The following PYURF variants were observed in gnomAD, a reference collection of about 807,000 sequenced individuals.
PYURF encodes the protein protein preY, mitochondrial.
Under a neutral mutation model 8.0 loss-of-function variants are expected in PYURF, and 9 were observed. The observed-to-expected ratio is 1.13, with a 90% CI of 0.68 to 1.97. The LOEUF (loss-of-function observed/expected upper bound fraction) is 1.97, where lower values mean the gene tolerates loss of function less well. Among genes scored for constraint, PYURF ranks in the 30% most tolerant of loss-of-function variants. PYURF has a pLI of 0.00. For synonymous variants in PYURF, 56 were observed against 68.3 expected, an observed-to-expected ratio of 0.82 and a Z score of 0.89; for missense variants, 130 against 158.0, an observed-to-expected ratio of 0.82 and a Z score of 0.95.
chr4:88,521,640 G>A lies in PYURF; in HGVS notation c.*248C>T, dbSNP rs775261190. 9.9e-6 allele frequency: 16 copies of A among 1,613,994 alleles called. No homozygotes were observed. The South Asian group carries it at 1.4e-4, about 14-fold the overall frequency. ...GGTGGAAGAATACATACACTGGTAT[G>A]GTAATAGGCAAGAGCAGGCTGTAAA... On this transcript the variant is annotated 3_prime_UTR_variant, in exon 2 of 2. Coordinates refer to ENST00000273968, the MANE Select transcript of PYURF (RefSeq NM_032906.5).
At position 88,523,503 on chromosome 4, in the gene PYURF, C is replaced by A; in HGVS notation, c.198G>T (p.Pro66=). 2.6e-6 allele frequency: 4 copies of A among 1,551,264 alleles called. No individual in the cohort carries two copies. The highest frequency in any genetic ancestry group is 2.4e-5 in the East Asian group (1 of 40,890). Residue 66 remains proline (P), a synonymous_variant, in exon 1 of 2, where the codon CCG becomes CCT. Coordinates refer to ENST00000273968, the MANE Select transcript of PYURF (RefSeq NM_032906.5). The stretch of plus-strand genomic sequence containing the variant: ...GGCCAAGGCCAGCGAGTTACCTGAG[C>A]GGCTTCTTGGAGAGCGGGCACACCA... ...EFLVCPLSKK[P]LRYEASTNEL...
rs1742382209 is a variant in PYURF, at chr4:88,521,904, T to A, written c.329A>T (p.Glu110Val). ...AATTATGAACTAGCGCTGCTCCACT[T>A]CTTCTTGCTTCTTACTTTGACGTGT... ...RMTRQSKKQE[E>V]VEQR The change falls in exon 2 of 2, where the codon GAA (glutamate) becomes GTA (valine). Residue 110 changes from glutamate to valine, a missense_variant. By Grantham distance (121) the Glu-to-Val change is moderately radical. Coordinates refer to ENST00000273968, the MANE Select transcript of PYURF (RefSeq NM_032906.5). 2 of 1,550,564 alleles carry A rather than the reference T, an allele frequency of 1.3e-6. No individual in the cohort carries two copies. Among genetic ancestry groups the A allele is most frequent in the Non-Finnish European group, 1.7e-6 (2 of 1,146,724 alleles).
chr4:88,522,536 T>C (rs536431715), intron 1 of PYURF, among the ~76,000 whole-genome samples: 2 of 152,324 alleles, frequency 1.3e-5, no homozygotes, highest in South Asian at 4.1e-4. Context: ...AGTGAGCTAG[T>C]TATAAACGTA....
chr4:88,522,394 A>G (rs1215991052), intron 1 of PYURF, among the ~76,000 whole-genome samples: 4 of 152,226 alleles, frequency 2.6e-5, no homozygotes, highest in Non-Finnish European at 4.4e-5. Context: ...TGGAATAAAC[A>G]CTAGAGAAAA....
intron 1 of PYURF, among the ~76,000 whole-genome samples, chr4:88,522,432 C>T (rs1181224199): frequency 6.6e-6 from 1 of 152,140 alleles, no homozygotes; most frequent in South Asian, 2.1e-4. Context: ...AGAATAAATG[C>T]TAAGTAGAGA....
Position 88,523,658 on chromosome 4 carries a change from C to T in PYURF, c.43G>A (p.Gly15Arg), listed in dbSNP as rs61751029. 1,653 of 1,535,458 alleles carry T rather than the reference C, an allele frequency of 1.1e-3. 11 individuals are homozygous for T. The African/African-American group carries it at 0.02, about 19-fold the overall frequency. Reference protein sequence around the residue: ...ARCRLASALRGTRAPPSAVAR... With the variant: ...ARCRLASALRRTRAPPSAVAR... ...ACCGCGGACGGCGGCGCGCGCGTTC[C>T]CCGCAGCGCTGAGGCGAGCCTGCAG... Residue 15 changes from glycine (G) to arginine (R), a missense_variant, in exon 1 of 2, where the codon GGA becomes AGA. Coordinates refer to ENST00000273968, the MANE Select transcript of PYURF (RefSeq NM_032906.5).
In PYURF at chr4:88,523,650, G is replaced by A. The variant is rs1258620020; in HGVS notation, c.51C>T (p.Arg17=). 15 of 1,538,332 alleles carry A rather than the reference G, an allele frequency of 9.8e-6. No individual in the cohort carries two copies. The Middle Eastern group carries it at 6.0e-4, about 62-fold the overall frequency. The part of the protein sequence containing the change: ...CRLASALRGT[R]APPSAVARRC... ...TACGGGCGACCGCGGACGGCGGCGCGCGCGTTCCCCGCAGCGCTGAGGCGA... is the reference window on the plus strand; with the variant it reads ...TACGGGCGACCGCGGACGGCGGCGCACGCGTTCCCCGCAGCGCTGAGGCGA... Residue 17 remains arginine, a synonymous_variant, in exon 1 of 2, where the codon CGC becomes CGT. Coordinates refer to ENST00000273968, the MANE Select transcript of PYURF (RefSeq NM_032906.5).
Position 88,521,982 on chromosome 4 carries a change from G to C in PYURF, c.251C>G (p.Ala84Gly), listed in dbSNP as rs1179904665. Residue 84 changes from alanine to glycine, a missense_variant, in exon 2 of 2, where the codon GCT becomes GGT. Transcript: ENST00000273968. ...NELINEELGIAYPIIDGIPNM... is the reference protein window; with the variant it reads ...NELINEELGIGYPIIDGIPNM... Reference sequence around the variant, plus strand: ...AGGGATCCCATCAATGATTGGATAAGCTATTCCCAACTCTTCATTAATCAA... The same window carrying C: ...AGGGATCCCATCAATGATTGGATAACCTATTCCCAACTCTTCATTAATCAA... 12 of 1,550,832 alleles carry C rather than the reference G, an allele frequency of 7.7e-6. No individual in the cohort carries two copies. The highest frequency in any genetic ancestry group is 4.9e-5 in the East Asian group (2 of 40,914).
In PYURF at chr4:88,523,541, G is replaced by A; in HGVS notation, c.160C>T (p.Leu54=). The A allele has an allele frequency of 6.4e-7, 1 of 1,551,178 alleles. No individual in the cohort carries two copies. Among genetic ancestry groups the A allele is most frequent in the East Asian group, 2.4e-5 (1 of 40,892 alleles). The change falls in exon 1 of 2, where the codon CTG becomes TTG. Residue 54 remains leucine (L), a synonymous_variant. Coordinates refer to ENST00000273968, the MANE Select transcript of PYURF (RefSeq NM_032906.5). ...EEPPRDFDPA[L]LEFLVCPLSK... ...AGCGGGCACACCAGGAACTCCAGCA[G>A]CGCCGGATCGAAGTCGCGGGGCGGC...
Position 88,521,752 on chromosome 4 carries a change from G to A in PYURF, c.*136C>T, listed in dbSNP as rs1161005660. 6.2e-7 allele frequency: 1 copy of A among 1,613,562 alleles called. No individual in the cohort carries two copies. Reference sequence around the variant, plus strand: ...GAACAGTCCTGCTAAAGAAACCAGTGGAATAAGAACAGTCAACGTAGGAAG... The same window carrying A: ...GAACAGTCCTGCTAAAGAAACCAGTAGAATAAGAACAGTCAACGTAGGAAG... On this transcript the variant is annotated 3_prime_UTR_variant, in exon 2 of 2. Transcript: ENST00000273968.
At chr4:88,523,225 T>G (rs1180994241) in intron 1 of PYURF, among the ~76,000 whole-genome samples, 1 of 152,184 alleles carries the variant, frequency 6.6e-6, no homozygotes, top group African/African-American at 2.4e-5. Context: ...CCCCGGGTGA[T>G]TGCAATGCGC....
At position 88,521,370 on chromosome 4, in the gene PYURF, T is replaced by C; in HGVS notation, c.*518A>G. On this transcript the variant is annotated 3_prime_UTR_variant, in exon 2 of 2. Transcript: ENST00000273968. Reference sequence around the variant, plus strand: ...AAAATGTTTCTTCTGATACAGCAGTTATAAGTCAGAGCCTTCAAAAAACAA... The same window carrying C: ...AAAATGTTTCTTCTGATACAGCAGTCATAAGTCAGAGCCTTCAAAAAACAA... The C allele has an allele frequency of 1.8e-6, 1 of 555,332 alleles. No homozygotes were observed. The highest frequency in any genetic ancestry group is 3.2e-6 in the Non-Finnish European group (1 of 314,284). The allele number at this position is 555,332 out of a possible 1,614,324, so 34.4% of individuals were successfully genotyped here.
At chr4:88,522,757 A>G (rs541095355) in intron 1 of PYURF, among the ~76,000 whole-genome samples, 1 of 152,358 alleles carries the variant, frequency 6.6e-6, no homozygotes, top group Admixed American at 6.5e-5. Context: ...AAAACTAGTT[A>G]AAGAGGCTTC....
In PYURF at chr4:88,521,523, C is replaced by T. The variant is rs1019759306; in HGVS notation, c.*365G>A. On this transcript the variant is annotated 3_prime_UTR_variant, in exon 2 of 2. Coordinates refer to ENST00000273968, the MANE Select transcript of PYURF (RefSeq NM_032906.5). ...TCCATCCATTTGAGCTTTCAGAGAT[C>T]GATGCCCAAGAGCTATCATTAATAT... The T allele has an allele frequency of 7.5e-6, 11 of 1,474,128 alleles. No individual in the cohort carries two copies. Among genetic ancestry groups the T allele is most frequent in the African/African-American group, 5.6e-5 (4 of 71,722 alleles). 91.3% of individuals were successfully genotyped at this position (1,474,128 alleles called of 1,614,324 possible).
Position 88,521,759 on chromosome 4 carries a change from G to C in PYURF, c.*129C>G. ...CCTGCTAAAGAAACCAGTGGAATAAGAACAGTCAACGTAGGAAGAGACAGA... is the reference window on the plus strand; with the variant it reads ...CCTGCTAAAGAAACCAGTGGAATAACAACAGTCAACGTAGGAAGAGACAGA... On this transcript the variant is annotated 3_prime_UTR_variant, in exon 2 of 2. Transcript: ENST00000273968. The C allele has an allele frequency of 6.2e-7, 1 of 1,613,482 alleles. No individual in the cohort carries two copies. Among genetic ancestry groups the C allele is most frequent in the Non-Finnish European group, 8.5e-7 (1 of 1,179,702 alleles).
rs1219304034 is a variant in PYURF, at chr4:88,523,707, G to A, written c.-7C>T. The A allele has an allele frequency of 7.5e-6, 11 of 1,460,878 alleles. No individual in the cohort carries two copies. Among genetic ancestry groups the A allele is most frequent in the Admixed American group, 5.1e-5 (2 of 39,008 alleles). 90.5% of individuals were successfully genotyped at this position (1,460,878 alleles called of 1,614,324 possible). Reference sequence around the variant, plus strand: ...AGCGTGCTCCACTCAGCATGGTCTGGCAGCCGGAGACCAGGCCTCACCGCA... The same window carrying A: ...AGCGTGCTCCACTCAGCATGGTCTGACAGCCGGAGACCAGGCCTCACCGCA... On this transcript the variant is annotated 5_prime_UTR_variant, in exon 1 of 2. Transcript: ENST00000273968.
chr4:88,523,628 G>C lies in PYURF; in HGVS notation c.73C>G (p.Arg25Gly), dbSNP rs781138762. Residue 25 changes from arginine (R) to glycine (G), a missense_variant, in exon 1 of 2, where the codon CGT becomes GGT. Transcript: ENST00000273968. ...GTRAPPSAVARRCLHASGSRP... is the reference protein window; with the variant it reads ...GTRAPPSAVAGRCLHASGSRP... The stretch of plus-strand genomic sequence containing the variant: ...GACCCCGACGCGTGCAGGCACCTAC[G>C]GGCGACCGCGGACGGCGGCGCGCGC... The C allele has an allele frequency of 1.2e-5, 18 of 1,543,944 alleles. No individual in the cohort carries two copies. The highest frequency in any genetic ancestry group is 2.5e-5 in the East Asian group (1 of 40,770).
chr4:88,523,691 C>A lies in PYURF; in HGVS notation c.10G>T (p.Gly4Ter). Residue 4 changes from glycine to a stop codon, truncating the protein, a stop_gained, in exon 1 of 2, where the codon GGA becomes TGA. Coordinates refer to ENST00000273968, the MANE Select transcript of PYURF (RefSeq NM_032906.5). LOFTEE classifies it high-confidence loss of function. The stretch of plus-strand genomic sequence containing the variant: ...GCTGAGGCGAGCCTGCAGCGTGCTC[C>A]ACTCAGCATGGTCTGGCAGCCGGAG... MLS[G>*]ARCRLASALR... is the part of the protein sequence containing the mutation. 6.7e-7 allele frequency: 1 copy of A among 1,487,876 alleles called. No individual in the cohort carries two copies. The highest frequency in any genetic ancestry group is 2.5e-5 in the East Asian group (1 of 39,438). The allele number at this position is 1,487,876 out of a possible 1,614,324, so 92.2% of individuals were successfully genotyped here.
chr4:88,523,725 T>A lies in PYURF; in HGVS notation c.-25A>T, dbSNP rs998015853. 5.6e-6 allele frequency: 8 copies of A among 1,424,236 alleles called. No individual in the cohort carries two copies. The African/African-American group carries it at 9.0e-5, about 16-fold the overall frequency. The allele number at this position is 1,424,236 out of a possible 1,614,324, so 88.2% of individuals were successfully genotyped here. The stretch of plus-strand genomic sequence containing the variant: ...TGGTCTGGCAGCCGGAGACCAGGCC[T>A]CACCGCAGCCTCGCCACCCGTGGCC... On this transcript the variant is annotated 5_prime_UTR_variant, in exon 1 of 2. Coordinates refer to ENST00000273968, the MANE Select transcript of PYURF (RefSeq NM_032906.5).
Sources: allele counts gnomAD v4.1 joint callset (sites outside exome capture counted in the v4.1 genomes callset), GRCh38; gene constraint gnomAD v4.1.1; transcripts MANE v1.5; gene names NCBI Gene and HGNC (gene_info 2026-07-23, HGNC 2026-07-21).